Variants in DAB1 observed in about 807,000 individuals in gnomAD.
DAB1 encodes the protein disabled homolog 1.
In DAB1, 15 loss-of-function variants were observed where a neutral mutation model predicts 64.6. That is an observed-to-expected ratio of 0.23 (90% CI 0.16 to 0.36). The LOEUF (loss-of-function observed/expected upper bound fraction) is 0.36. Ranked by LOEUF, DAB1 falls within the 10% of genes least tolerant of loss-of-function variation. The pLI, the probability that DAB1 is intolerant of heterozygous loss-of-function variation, is 1.00. For missense variants in DAB1, 596 were observed against 706.7 expected (o/e 0.84, Z 1.78); for synonymous variants, 235 against 251.9 (o/e 0.93, Z 0.64).
chr1:57,230,679 A>ACC (rs1391752831), intron 2 of DAB1, among the ~76,000 whole-genome samples: 6 of 99,816 alleles, frequency 6.0e-5, no homozygotes, highest in Non-Finnish European at 1.5e-4. Flanking sequence ...TGATATTTTG[A>ACC]CACATATATA....
intron 7 of DAB1, among the ~76,000 whole-genome samples, chr1:57,499,767 T>C (rs1644269618): frequency 1.3e-5 from 2 of 152,210 alleles, no homozygotes; most frequent in Admixed American, 6.5e-5. Flanking sequence ...AGATATTTCC[T>C]CTTTCATTCA....
chr1:57,472,601 A>C (rs1687178406), intron 7 of DAB1, among the ~76,000 whole-genome samples: 1 of 151,862 alleles, frequency 6.6e-6, no homozygotes, highest in Non-Finnish European at 1.5e-5. Context: ...TTACTGGTGC[A>C]TGCAGCCCCC....
At chr1:57,363,273 C>G (rs1396279586) in intron 1 of DAB1, among the ~76,000 whole-genome samples, 1 of 152,156 alleles carries the variant, frequency 6.6e-6, no homozygotes, top group Admixed American at 6.5e-5. Flanking sequence ...CACGGACACT[C>G]TCTACAGACA....
At chr1:57,867,168 A>T (rs1654338885) in intron 1 of DAB1, 1 of 152,240 alleles carries the variant, frequency 6.6e-6, no homozygotes, top group East Asian at 1.9e-4. Flanking sequence ...ACTGGCCCAT[A>T]ACCACGGTCA....
intron 5 of DAB1, among the ~76,000 whole-genome samples, chr1:58,142,607 A>C (rs1654350657): frequency 1.3e-5 from 2 of 152,238 alleles, no homozygotes; most frequent in African/African-American, 4.8e-5. Context: ...GCTCCCTTTC[A>C]TGGCCCTGGG....
At position 58,049,086 on chromosome 1, in the gene DAB1, T is replaced by A. The variant is rs1453380364; in HGVS notation, n.387+101425A>T. On this transcript the variant is annotated intron_variant and non_coding_transcript_variant, in intron 5 of 20. Transcript: ENST00000485760. ...GTGTGGCCTTGCATTTGTGGCTGCA[T>A]CCACCTCCTCCACAGTGGCATATGT... 7.5e-6 allele frequency: 6 copies of A among 796,708 alleles called. No individual in the cohort carries two copies. The Admixed American group carries it at 1.0e-4, about 14-fold the overall frequency. The allele number at this position is 796,708 out of a possible 1,614,324, so 49.4% of individuals were successfully genotyped here. A position where few individuals can be genotyped will look rare whatever the true frequency, so the allele number is the denominator to read the frequency against.
chr1:58,107,603 CTGTTTT>C (rs201044813), intron 5 of DAB1, among the ~76,000 whole-genome samples: 7 of 151,306 alleles, frequency 4.6e-5, no homozygotes, highest in African/African-American at 1.7e-4. Context: ...TGTTTTTTTT[CTGTTTT>C]TGTTTTTGTT....
chr1:57,391,871 T>C (rs1463122551), intron 1 of DAB1, among the ~76,000 whole-genome samples: 1 of 151,912 alleles, frequency 6.6e-6, no homozygotes. Context: ...GAAAGTTGCA[T>C]TTTTTTAGGT....
At chr1:57,316,844 G>T (rs1675255098) in intron 1 of DAB1, among the ~76,000 whole-genome samples, 1 of 152,088 alleles carries the variant, frequency 6.6e-6, no homozygotes, top group South Asian at 2.1e-4. Flanking sequence ...TATGTGCTGT[G>T]GCAGCCATCT....
In DAB1 at chr1:57,943,651, G is replaced by GT. The variant is rs930471014; in HGVS notation, n.388-59490dup. Among the ~76,000 whole-genome samples, 109 of 152,282 alleles carry GT rather than the reference G, an allele frequency of 7.2e-4. 1 individual carries two copies. Among genetic ancestry groups the GT allele is most frequent in the African/African-American group, 2.6e-3 (106 of 41,562 alleles). On this transcript the variant is annotated intron_variant and non_coding_transcript_variant, in intron 5 of 20. Transcript: ENST00000485760. ...AGCACATAATTTACAGGCAGTGACT[G>GT]TAAGAACCCTCTCCCTCATCCAGAA...
intron 4 of DAB1, among the ~76,000 whole-genome samples, chr1:58,155,602 A>G (rs185955579): frequency 3.1e-4 from 47 of 152,330 alleles, no homozygotes; most frequent in African/African-American, 1.1e-3. Flanking sequence ...ATTTCATCAC[A>G]AAGTTAAGAA....
At chr1:57,245,458 T>C (rs550648877) in intron 2 of DAB1, among the ~76,000 whole-genome samples, 1 of 152,088 alleles carries the variant, frequency 6.6e-6, no homozygotes, top group East Asian at 1.9e-4. Context: ...AAGGCCCCAG[T>C]ATATGATGTT....
chr1:57,133,339 G>T (rs954523247), intron 4 of DAB1, among the ~76,000 whole-genome samples: 2 of 152,174 alleles, frequency 1.3e-5, no homozygotes, highest in African/African-American at 4.8e-5. Context: ...AATAGAGTCA[G>T]TGAGGTTCAC....
At chr1:57,764,031 T>C (rs1164103135) in intron 6 of DAB1, among the ~76,000 whole-genome samples, 1 of 152,202 alleles carries the variant, frequency 6.6e-6, no homozygotes, top group Non-Finnish European at 1.5e-5. Flanking sequence ...TCTCTCAACA[T>C]ATATGATAAC....
intron 2 of DAB1, among the ~76,000 whole-genome samples, chr1:58,523,431 G>A (rs754265363): frequency 6.6e-6 from 1 of 152,162 alleles, no homozygotes; most frequent in Non-Finnish European, 1.5e-5. Context: ...TTCAATAGCA[G>A]TAACAACCTT....
At chr1:58,429,465 A>C (rs1644849389) in intron 3 of DAB1, among the ~76,000 whole-genome samples, 1 of 152,232 alleles carries the variant, frequency 6.6e-6, no homozygotes, top group African/African-American at 2.4e-5. Context: ...GAGGACGATC[A>C]CAGTGAGATG....
chr1:58,149,142 G>T (rs534988682), intron 5 of DAB1, among the ~76,000 whole-genome samples: 2 of 152,122 alleles, frequency 1.3e-5, no homozygotes, highest in African/African-American at 4.8e-5. Context: ...CTTACTAAAA[G>T]TTTCTTGTCT....
chr1:58,370,166 G>A (rs1644251359), intron 3 of DAB1, among the ~76,000 whole-genome samples: 1 of 152,122 alleles, frequency 6.6e-6, no homozygotes, highest in African/African-American at 2.4e-5. Flanking sequence ...CATCAATAGG[G>A]GAACGGATTT....
At chr1:57,102,955 G>A (rs1305980121) in intron 4 of DAB1, among the ~76,000 whole-genome samples, 3 of 152,064 alleles carry the variant, frequency 2.0e-5, no homozygotes, top group Non-Finnish European at 2.9e-5. Context: ...GAGTAAAGTC[G>A]CTTTCTCCCC....
Sources: gnomAD v4.1 joint callset for allele counts (sites outside exome capture counted in the v4.1 genomes callset) on GRCh38, gnomAD v4.1.1 for gene constraint, MANE v1.5 for transcripts, NCBI Gene and HGNC (gene_info 2026-07-23, HGNC 2026-07-21) for gene names.